Variants in SAP130 observed in about 807,000 individuals in gnomAD.
SAP130 encodes the protein histone deacetylase complex subunit SAP130.
A neutral mutation model predicts 103.2 loss-of-function variants in SAP130; 16 were observed. That is an observed-to-expected ratio of 0.16 (90% CI 0.10 to 0.24). SAP130 has a LOEUF of 0.24. SAP130 is among the 10% of genes least tolerant of loss of function. The pLI is 1.00. For synonymous variants in SAP130, 477 were observed against 497.0 expected (o/e 0.96, Z 0.53); for missense variants, 990 against 1,359.7 (o/e 0.73, Z 4.28).
At chr2:127,963,003 G>A (rs1298157573) in intron 15 of SAP130, among the ~76,000 whole-genome samples, 1 of 130,866 alleles carries the variant, frequency 7.6e-6, no homozygotes, top group Non-Finnish European at 1.6e-5. Context: ...GTATATAAAT[G>A]TCTGAAAAAA....
chr2:127,959,144 A>C (rs1055555151), intron 15 of SAP130, among the ~76,000 whole-genome samples: 6 of 152,254 alleles, frequency 3.9e-5, no homozygotes, highest in African/African-American at 1.4e-4. Context: ...AAAAAGGCAC[A>C]TTGTCTAGGA....
chr2:127,981,909 G>A (rs991487261), intron 14 of SAP130, among the ~76,000 whole-genome samples: 5 of 152,118 alleles, frequency 3.3e-5, no homozygotes, highest in Admixed American at 1.3e-4. Flanking sequence ...TGTAAGGGGG[G>A]CTGCCTCCTC....
At chr2:127,980,058 T>C (rs1463054983) in intron 14 of SAP130, among the ~76,000 whole-genome samples, 1 of 151,958 alleles carries the variant, frequency 6.6e-6, no homozygotes, top group Non-Finnish European at 1.5e-5. Flanking sequence ...TTTGTATTTT[T>C]ACTAGAGACG....
intron 15 of SAP130, among the ~76,000 whole-genome samples, chr2:127,974,756 G>C (rs1398147712): frequency 6.6e-6 from 1 of 152,152 alleles, no homozygotes; most frequent in African/African-American, 2.4e-5. Context: ...GAGGTTGTGG[G>C]GAGCCGAGAT....
Position 127,999,865 on chromosome 2 carries a change from G to C in SAP130, c.1109-20C>G. ...CAGATCCTGAAATAGGGGAAAAAAGGAAATTCTTTAACAAGAACTTCTCTG... is the reference window on the plus strand; with the variant it reads ...CAGATCCTGAAATAGGGGAAAAAAGCAAATTCTTTAACAAGAACTTCTCTG... On this transcript the variant is annotated intron_variant, in intron 9 of 20. Coordinates refer to ENST00000643581, the MANE Select transcript of SAP130 (RefSeq NM_001330301.2). The C allele has an allele frequency of 6.6e-7, 1 of 1,506,456 alleles. No individual in the cohort carries two copies. The highest frequency in any genetic ancestry group is 8.9e-7 in the Non-Finnish European group (1 of 1,121,426). The allele number at this position is 1,506,456 out of a possible 1,614,324, so 93.3% of individuals were successfully genotyped here. A position where few individuals can be genotyped will look rare whatever the true frequency, so the allele number is the denominator to read the frequency against.
intron 14 of SAP130, among the ~76,000 whole-genome samples, chr2:127,984,274 T>C (rs1682206451): frequency 6.6e-6 from 1 of 152,230 alleles, no homozygotes; most frequent in South Asian, 2.1e-4. Context: ...CTTTTGTCTT[T>C]CTGAAGGCAT....
chr2:127,956,280 TTTGG>T (rs1243241236), intron 15 of SAP130, among the ~76,000 whole-genome samples: 1 of 152,134 alleles, frequency 6.6e-6, no homozygotes, highest in Non-Finnish European at 1.5e-5. Flanking sequence ...TTCTGTTCCA[TTTGG>T]TTGGTCATCT....
At position 127,941,866 on chromosome 2, in the gene SAP130, T is replaced by C. The variant is rs1057170793; in HGVS notation, c.*140A>G. ...GATCCTTTCACGCCCTTGGATGTCATGGGTTCCTCTGCTTTCACACGGGAA... is the reference window on the plus strand; with the variant it reads ...GATCCTTTCACGCCCTTGGATGTCACGGGTTCCTCTGCTTTCACACGGGAA... On this transcript the variant is annotated 3_prime_UTR_variant, in exon 21 of 21. Transcript: ENST00000643581. The C allele has an allele frequency of 2.6e-6, 2 of 775,068 alleles. No homozygotes were observed. Among genetic ancestry groups the C allele is most frequent in the South Asian group, 3.4e-5 (2 of 58,466 alleles). The allele number at this position is 775,068 out of a possible 1,614,324, so 48.0% of individuals were successfully genotyped here.
At chr2:127,984,322 G>A (rs571237541) in intron 14 of SAP130, among the ~76,000 whole-genome samples, 29 of 152,256 alleles carry the variant, frequency 1.9e-4, no homozygotes, top group African/African-American at 6.7e-4. Flanking sequence ...CATTTGTTTT[G>A]TGTTTTATTC....
chr2:127,956,702 TAAAAAA>T (rs55931869), intron 15 of SAP130, among the ~76,000 whole-genome samples: 1 of 111,264 alleles, frequency 9.0e-6, no homozygotes, highest in African/African-American at 3.2e-5. Context: ...TAAAGTATAA[TAAAAAA>T]AAAAAAAAAA....
At chr2:127,992,913 C>A (rs1682913140) in intron 12 of SAP130, among the ~76,000 whole-genome samples, 1 of 152,132 alleles carries the variant, frequency 6.6e-6, no homozygotes, top group South Asian at 2.1e-4. Context: ...CAGCTCTATT[C>A]ATTGTAACTA....
intron 15 of SAP130, among the ~76,000 whole-genome samples, chr2:127,967,231 C>G (rs1346927805): frequency 6.6e-6 from 1 of 152,214 alleles, no homozygotes; most frequent in African/African-American, 2.4e-5. Flanking sequence ...ATTTTAACTT[C>G]TCCCTACCAG....
intron 5 of SAP130, 129 bp downstream of exon 5, chr2:128,014,674 A>G (rs1684649299): frequency 1.5e-6 from 1 of 676,802 alleles, no homozygotes; most frequent in African/African-American, 1.8e-5. Flanking sequence ...TATTTGGTTC[A>G]CGGTTCTGCA....
intron 15 of SAP130, among the ~76,000 whole-genome samples, chr2:127,968,330 T>G (rs1264945568): frequency 6.6e-6 from 1 of 151,586 alleles, no homozygotes; most frequent in Non-Finnish European, 1.5e-5. Context: ...AGGCTGGTCT[T>G]GAACTCCTGG....
chr2:127,949,832 T>G, intron 18 of SAP130, 37 bp downstream of exon 18: 2 of 1,600,530 alleles, frequency 1.2e-6, no homozygotes, highest in African/African-American at 2.7e-5. Context: ...TACACCAATT[T>G]CATGCATTAA....
At chr2:127,951,189 G>A (rs768556404) in intron 16 of SAP130, among the ~76,000 whole-genome samples, 22 of 152,146 alleles carry the variant, frequency 1.4e-4, no homozygotes, top group Non-Finnish European at 2.5e-4. Context: ...CACTCTCACC[G>A]ACCGCAGTGT....
chr2:127,990,687 TC>T (rs1285485744), intron 12 of SAP130, among the ~76,000 whole-genome samples: 1 of 152,090 alleles, frequency 6.6e-6, no homozygotes, highest in Non-Finnish European at 1.5e-5. Context: ...GTACCGATGA[TC>T]CCAACGCTTT....
chr2:127,991,611 C>T (rs931235651), intron 12 of SAP130, among the ~76,000 whole-genome samples: 4 of 152,208 alleles, frequency 2.6e-5, no homozygotes, highest in African/African-American at 9.7e-5. Context: ...GGGTTATAGG[C>T]ATGAGCCACC....
chr2:127,975,037 C>T (rs993209767), intron 15 of SAP130, among the ~76,000 whole-genome samples: 2 of 152,172 alleles, frequency 1.3e-5, no homozygotes, highest in African/African-American at 4.8e-5. Context: ...AGGGATGTAT[C>T]TCTCAGAACG....
Sources: allele counts gnomAD v4.1 joint callset (sites outside exome capture counted in the v4.1 genomes callset), GRCh38; gene constraint gnomAD v4.1.1; transcripts MANE v1.5; gene names NCBI Gene and HGNC (gene_info 2026-07-23, HGNC 2026-07-21).